Variants in RLF observed in about 807,000 individuals in gnomAD.
RLF encodes RLF zinc finger, also known as zinc finger protein Rlf.
In RLF, 7 loss-of-function variants were observed where a neutral mutation model predicts 162.9. The ratio of observed to expected loss-of-function variants is 0.04; its 90% CI spans 0.02 to 0.08. The LOEUF (loss-of-function observed/expected upper bound fraction) is 0.08. Among genes scored for constraint, RLF ranks in the 10% least tolerant of loss-of-function variants. The probability of loss-of-function intolerance (pLI) is 1.00; values close to 1 mark genes in which losing one functional copy is unlikely to be tolerated. For synonymous variants in RLF, 782 were observed against 791.5 expected (o/e 0.99, Z 0.20); for missense variants, 1,664 against 2,244.7 (o/e 0.74, Z 5.23).
At chr1:40,234,159 C>T (rs1311318310) in intron 7 of RLF, among the ~76,000 whole-genome samples, 1 of 152,066 alleles carries the variant, frequency 6.6e-6, no homozygotes. Flanking sequence ...CATGTTGGCC[C>T]TGCTGGTCTT....
intron 6 of RLF, among the ~76,000 whole-genome samples, chr1:40,224,038 G>A (rs1339822749): frequency 6.6e-6 from 1 of 152,192 alleles, no homozygotes. Context: ...TAGGTTTTCA[G>A]TACGAATAAT....
At chr1:40,163,852 T>G (rs1642130028) in intron 1 of RLF, among the ~76,000 whole-genome samples, 1 of 152,204 alleles carries the variant, frequency 6.6e-6, no homozygotes, top group Admixed American at 6.5e-5. Context: ...TGTACAAGTC[T>G]TCACAAAATT....
At chr1:40,178,637 T>TTG (rs1553172425) in intron 1 of RLF, among the ~76,000 whole-genome samples, 1 of 136,008 alleles carries the variant, frequency 7.4e-6, no homozygotes, top group African/African-American at 3.4e-5. Flanking sequence ...TTTTTGTTTT[T>TTG]TTTTTTTTTT....
chr1:40,178,172 T>C (rs538751126), intron 1 of RLF, among the ~76,000 whole-genome samples: 17 of 152,112 alleles, frequency 1.1e-4, no homozygotes, highest in Non-Finnish European at 2.2e-4. Flanking sequence ...GCACCATTTG[T>C]TGAAAACCTA....
At chr1:40,177,674 G>A (rs1038396813) in intron 1 of RLF, among the ~76,000 whole-genome samples, 14 of 151,574 alleles carry the variant, frequency 9.2e-5, no homozygotes, top group Non-Finnish European at 2.1e-4. Context: ...TGTCTAATCC[G>A]AGACCACAGA....
chr1:40,178,067 T>TAG (rs1019289945), intron 1 of RLF: 1 of 151,270 alleles, frequency 6.6e-6, no homozygotes, highest in Non-Finnish European at 1.5e-5. Flanking sequence ...CATATATATA[T>TAG]ATAGATAGGT....
intron 6 of RLF, among the ~76,000 whole-genome samples, chr1:40,228,473 C>T (rs958153740): frequency 2.7e-5 from 4 of 150,282 alleles, no homozygotes; most frequent in African/African-American, 7.4e-5. Context: ...CCCAGCTACT[C>T]GAGGGAGGCT....
intron 1 of RLF, 86 bp from the exon 2 acceptor site, chr1:40,188,969 T>C (rs1025213230): frequency 3.6e-6 from 3 of 838,318 alleles, no homozygotes; most frequent in African/African-American, 3.5e-5. Flanking sequence ...AGAAAAAAAA[T>C]GGGAGAGCTA....
chr1:40,179,172 C>T (rs752505785), intron 1 of RLF, among the ~76,000 whole-genome samples: 1 of 152,180 alleles, frequency 6.6e-6, no homozygotes, highest in African/African-American at 2.4e-5. Context: ...TTGTAGGATG[C>T]TGGTACAAAA....
intron 1 of RLF, among the ~76,000 whole-genome samples, chr1:40,169,637 AAAAAAAAAT>A (rs2124524238): frequency 6.6e-6 from 1 of 151,522 alleles, no homozygotes; most frequent in Non-Finnish European, 1.5e-5. Context: ...AAAAAAAAAA[AAAAAAAAAT>A]AAGTGCTTCT....
chr1:40,221,620 G>T (rs1472832974), intron 5 of RLF, among the ~76,000 whole-genome samples: 1 of 151,528 alleles, frequency 6.6e-6, no homozygotes, highest in East Asian at 1.9e-4. Context: ...AAAAAAAAAG[G>T]CCGGGCACGG....
At chr1:40,197,721 A>T (rs770499915) in intron 4 of RLF, among the ~76,000 whole-genome samples, 2 of 152,242 alleles carry the variant, frequency 1.3e-5, no homozygotes, top group Non-Finnish European at 2.9e-5. Context: ...CATGATACCT[A>T]CATATCCAAG....
At chr1:40,235,666 A>T in intron 7 of RLF, 126 bp from the exon 8 acceptor site, 1 of 650,488 alleles carries the variant, frequency 1.5e-6, no homozygotes, top group Non-Finnish European at 2.5e-6. Context: ...AACTTTCATG[A>T]AGAAAGATTT....
At chr1:40,231,759 A>G (rs1643154114) in intron 7 of RLF, 101 bp downstream of exon 7, 1 of 1,101,528 alleles carries the variant, frequency 9.1e-7, no homozygotes, top group Non-Finnish European at 1.3e-6. Context: ...ATAAGAAATA[A>G]TGAGTTTTAA....
At chr1:40,199,185 G>T (rs1056226868) in intron 4 of RLF, among the ~76,000 whole-genome samples, 1 of 152,312 alleles carries the variant, frequency 6.6e-6, no homozygotes, top group Non-Finnish European at 1.5e-5. Flanking sequence ...ACGTTAAAAT[G>T]TTTTTGATTG....
At chr1:40,197,683 T>C (rs545128303) in intron 4 of RLF, among the ~76,000 whole-genome samples, 1 of 152,218 alleles carries the variant, frequency 6.6e-6, no homozygotes, top group Non-Finnish European at 1.5e-5. Context: ...AATTAAGCAC[T>C]CACTATCTTT....
chr1:40,192,055 C>G (rs1157434309), intron 3 of RLF, among the ~76,000 whole-genome samples: 1 of 152,188 alleles, frequency 6.6e-6, no homozygotes, highest in African/African-American at 2.4e-5. Context: ...TTTCTTTCCT[C>G]TGGAATACAT....
At chr1:40,216,299 A>G (rs976938708) in intron 5 of RLF, among the ~76,000 whole-genome samples, 1 of 152,192 alleles carries the variant, frequency 6.6e-6, no homozygotes, top group Non-Finnish European at 1.5e-5. Flanking sequence ...CCTAGCTAAC[A>G]TGGTAAAACC....
At chr1:40,208,959 C>G (rs1230188519) in intron 5 of RLF, among the ~76,000 whole-genome samples, 1 of 152,160 alleles carries the variant, frequency 6.6e-6, no homozygotes, top group Non-Finnish European at 1.5e-5. Flanking sequence ...TGCTTTTATA[C>G]ATATTAATCT....
Sources: gnomAD v4.1 joint callset for allele counts (sites outside exome capture counted in the v4.1 genomes callset) on GRCh38, gnomAD v4.1.1 for gene constraint, MANE v1.5 for transcripts, NCBI Gene and HGNC (gene_info 2026-07-23, HGNC 2026-07-21) for gene names.